The following BIRC2 variants were observed in gnomAD, a reference collection of about 807,000 sequenced individuals.
The protein encoded by BIRC2 is baculoviral IAP repeat containing 2.
Under a neutral mutation model 60.9 loss-of-function variants are expected in BIRC2, and 18 were observed. The ratio of observed to expected loss-of-function variants is 0.30; its 90% confidence interval spans 0.20 to 0.44. The LOEUF (loss-of-function observed/expected upper bound fraction) is 0.44, where lower values mean the gene tolerates loss of function less well. Among genes scored for constraint, BIRC2 ranks in the 20% least tolerant of loss-of-function variants. The probability of loss-of-function intolerance (pLI) is 1.00; values close to 1 mark genes in which losing one functional copy is unlikely to be tolerated. For synonymous variants in BIRC2, 282 were observed against 247.7 expected (o/e 1.14, Z -1.30); for missense variants, 701 against 728.5 (o/e 0.96, Z 0.43).
chr11:102,369,735 G>A (rs1187177554), intron 6 of BIRC2, among the ~76,000 whole-genome samples: 9 of 148,706 alleles, frequency 6.1e-5, no homozygotes, highest in African/African-American at 2.0e-4. Flanking sequence ...CTGAGGAATC[G>A]CCACACTGAC....
At position 102,377,521 on chromosome 11, in the gene BIRC2, C is replaced by T; in HGVS notation, c.1392C>T (p.Asn464=). 6.3e-7 allele frequency: 1 copy of T among 1,595,138 alleles called. No individual in the cohort carries two copies. The highest frequency in any genetic ancestry group is 8.5e-7 in the Non-Finnish European group (1 of 1,175,554). Residue 464 remains asparagine, a synonymous_variant, in exon 7 of 9, where the codon AAC becomes AAT. Coordinates refer to ENST00000227758, the MANE Select transcript of BIRC2 (RefSeq NM_001166.5). The part of the protein sequence containing the change: ...ASDDLSLIRK[N]RMALFQQLTC... ...ATGATTTGTCATTAATTCGGAAGAA[C>T]AGAATGGCTCTCTTTCAACAATTGA...
In BIRC2 at chr11:102,368,449, A is replaced by T. The variant is rs918126059; in HGVS notation, c.1267A>T (p.Asn423Tyr). The T allele has an allele frequency of 3.1e-6, 5 of 1,614,024 alleles. No homozygotes were observed. In the Admixed American group the frequency reaches 8.3e-5, roughly 27 times the overall value. The change falls in exon 6 of 9, where the codon AAC (asparagine) becomes TAC (tyrosine). Residue 423 changes from asparagine (N) to tyrosine (Y), a missense_variant. Around this residue, in one of 4 missense-constraint regions of BIRC2, gnomAD observed 235 missense variants for 208.9 expected, o/e 1.12. Coordinates refer to ENST00000227758, the MANE Select transcript of BIRC2 (RefSeq NM_001166.5). Reference protein sequence around the residue: ...VQSKILTTGENYKTVNDIVSA... With the variant: ...VQSKILTTGEYYKTVNDIVSA... The stretch of plus-strand genomic sequence containing the variant: ...AAGTAAAATCCTGACAACTGGAGAG[A>T]ACTATAAAACAGTTAATGATATTGT...
intron 3 of BIRC2, among the ~76,000 whole-genome samples, chr11:102,351,633 A>AAG (rs1555046393): frequency 5.3e-5 from 8 of 150,230 alleles, no homozygotes; most frequent in African/African-American, 1.5e-4. Context: ...AAAAAAAAAA[A>AAG]AAAAGAAAAA....
intron 5 of BIRC2, 25 bp downstream of exon 5, chr11:102,363,741 T>C: frequency 6.3e-7 from 1 of 1,585,606 alleles, no homozygotes. Context: ...ATTTTAAGTA[T>C]AGAGTGTAAA....
At chr11:102,359,039 T>G (rs937486265) in intron 3 of BIRC2, among the ~76,000 whole-genome samples, 4 of 152,226 alleles carry the variant, frequency 2.6e-5, no homozygotes, top group Non-Finnish European at 5.9e-5. Context: ...TGTTTCTTCC[T>G]CTCTTGCTGT....
chr11:102,349,838 A>G lies in BIRC2; in HGVS notation c.-17A>G, dbSNP rs1185113193. On this transcript the variant is annotated 5_prime_UTR_variant, in exon 2 of 9. Coordinates refer to ENST00000227758, the MANE Select transcript of BIRC2 (RefSeq NM_001166.5). The stretch of plus-strand genomic sequence containing the variant: ...CATGTGAATGTTTTAGCTATCAAAC[A>G]GTACTGTCACCTACTCATGCACAAA... The G allele has an allele frequency of 1.3e-6, 2 of 1,551,630 alleles. No individual in the cohort carries two copies. Among genetic ancestry groups the G allele is most frequent in the East Asian group, 2.3e-5 (1 of 44,358 alleles).
chr11:102,368,975 A>T (rs1249334537), intron 6 of BIRC2, among the ~76,000 whole-genome samples: 2 of 151,950 alleles, frequency 1.3e-5, no homozygotes, highest in Non-Finnish European at 2.9e-5. Flanking sequence ...ATCCTTGCTA[A>T]GTGATCCTCA....
Position 102,369,615 on chromosome 11 carries a change from C to T in BIRC2, c.1366+1067C>T, listed in dbSNP as rs1388753461. Among the ~76,000 whole-genome samples the T allele has an allele frequency of 1.2e-4, 17 of 144,660 alleles. No homozygotes were observed. The East Asian group carries it at 3.4e-3, about 29-fold the overall frequency. 94.9% of individuals were successfully genotyped at this position (144,660 alleles called of 152,430 possible). A position where few individuals can be genotyped will look rare whatever the true frequency, so the allele number is the denominator to read the frequency against. On this transcript the variant is annotated intron_variant, in intron 6 of 8. Transcript: ENST00000227758. The stretch of plus-strand genomic sequence containing the variant: ...GTCTTTGCTATTGTGAATAATGCCG[C>T]AATAAACATACGTGTGCATGTGTCT...
At chr11:102,373,188 G>T (rs1951655616) in intron 6 of BIRC2, among the ~76,000 whole-genome samples, 2 of 151,964 alleles carry the variant, frequency 1.3e-5, no homozygotes, top group Admixed American at 6.6e-5. Context: ...ATATTGTCAT[G>T]TGTGAATTTG....
At chr11:102,363,046 A>T in intron 4 of BIRC2, 72 bp downstream of exon 4, 2 of 1,173,164 alleles carry the variant, frequency 1.7e-6, no homozygotes, top group Admixed American at 4.4e-5. Context: ...AGGTTGGTAT[A>T]AAAGTGATCA....
chr11:102,360,085 G>C (rs1951468889), intron 3 of BIRC2, among the ~76,000 whole-genome samples: 1 of 151,720 alleles, frequency 6.6e-6, no homozygotes, highest in Non-Finnish European at 1.5e-5. Context: ...TCCTGCCTCA[G>C]CCTCCCACGT....
Position 102,372,542 on chromosome 11 carries a change from T to C in BIRC2, c.1366+3994T>C, listed in dbSNP as rs1330290540. Among the ~76,000 whole-genome samples the C allele has an allele frequency of 2.0e-5, 3 of 151,774 alleles. No homozygotes were observed. The East Asian group carries it at 5.8e-4, about 29-fold the overall frequency. ...CTGTGGTCTGAGAGATAGTTTGTTA[T>C]AATTTCTGTTCTTTTACATTTGCTG... On this transcript the variant is annotated intron_variant, in intron 6 of 8. Coordinates refer to ENST00000227758, the MANE Select transcript of BIRC2 (RefSeq NM_001166.5).
At chr11:102,376,189 A>T (rs185435568) in intron 6 of BIRC2, among the ~76,000 whole-genome samples, 1 of 152,222 alleles carries the variant, frequency 6.6e-6, no homozygotes, top group African/African-American at 2.4e-5. Flanking sequence ...GGAAAGGGCA[A>T]GTAAGGAATA....
intron 3 of BIRC2, among the ~76,000 whole-genome samples, chr11:102,359,033 T>TC (rs1951455123): frequency 6.6e-6 from 1 of 152,230 alleles, no homozygotes; most frequent in African/African-American, 2.4e-5. Context: ...ATTATTTGTT[T>TC]CTTCCTCTCT....
intron 3 of BIRC2, among the ~76,000 whole-genome samples, chr11:102,354,952 T>G (rs1347185219): frequency 6.6e-6 from 1 of 150,822 alleles, no homozygotes; most frequent in Non-Finnish European, 1.5e-5. Flanking sequence ...GGGTTTTTTT[T>G]TTTTTTTTTT....
In BIRC2 at chr11:102,349,978, G is replaced by T; in HGVS notation, c.124G>T (p.Asp42Tyr). The stretch of plus-strand genomic sequence containing the variant: ...CAGCAACAAACAAAAAATGAAGTAT[G>T]ACTTTTCCTGTGAACTCTACAGAAT... ...TNSNKQKMKY[D>Y]FSCELYRMST... Residue 42 changes from aspartate (D) to tyrosine (Y), a missense_variant, in exon 2 of 9, where the codon GAC (aspartate) becomes TAC (tyrosine). By Grantham distance (160) the Asp-to-Tyr change is radical. Transcript: ENST00000227758. 6.2e-7 allele frequency: 1 copy of T among 1,614,114 alleles called. No homozygotes were observed. The highest frequency in any genetic ancestry group is 1.1e-5 in the South Asian group (1 of 91,054).
rs1181473850 is a variant in BIRC2 at position 102,368,358 on chromosome 11, T to C, written c.1176T>C (p.Asn392=). 1.2e-6 allele frequency: 2 copies of C among 1,613,440 alleles called. No homozygotes were observed. The highest frequency in any genetic ancestry group is 1.7e-6 in the Non-Finnish European group (2 of 1,179,900). The change falls in exon 6 of 9, where the codon AAT becomes AAC. Residue 392 remains asparagine, a synonymous_variant. Coordinates refer to ENST00000227758, the MANE Select transcript of BIRC2 (RefSeq NM_001166.5). ...ESSSEDAVMM[N]TPVVKSALEM... ...CTTCAGAAGATGCTGTCATGATGAA[T>C]ACACCTGTGGTTAAATCTGCCTTGG...
intron 5 of BIRC2, among the ~76,000 whole-genome samples, chr11:102,365,485 GTTC>G (rs1951542713): frequency 1.3e-5 from 2 of 152,172 alleles, no homozygotes; most frequent in Non-Finnish European, 2.9e-5. Context: ...GCTAGAAACT[GTTC>G]TTGTCATGGT....
intron 3 of BIRC2, among the ~76,000 whole-genome samples, chr11:102,362,032 C>G (rs1461462036): frequency 6.6e-6 from 1 of 152,042 alleles, no homozygotes; most frequent in Non-Finnish European, 1.5e-5. Flanking sequence ...TTAACATTGT[C>G]TTTTGAAGAG....
Sources: gnomAD v4.1 joint callset for allele counts (sites outside exome capture counted in the v4.1 genomes callset) on GRCh38, gnomAD v4.1.1 for gene constraint, gnomAD v4.1.1 regional missense constraint, MANE v1.5 for transcripts, NCBI Gene and HGNC (gene_info 2026-07-23, HGNC 2026-07-21) for gene names.